Variants in LRRC27 observed in about 807,000 individuals in gnomAD.
LRRC27 encodes the protein leucine rich repeat containing 27.
Under a neutral mutation model 55.0 loss-of-function variants are expected in LRRC27, and 57 were observed. The ratio of observed to expected loss-of-function variants is 1.04; its 90% CI spans 0.84 to 1.29. The LOEUF (loss-of-function observed/expected upper bound fraction) is 1.29, where lower values mean the gene tolerates loss of function less well. Among genes scored for constraint, LRRC27 ranks in the 50% most tolerant of loss-of-function variants. The probability of loss-of-function intolerance (pLI) is 0.00; values close to 1 mark genes in which losing one functional copy is unlikely to be tolerated. For missense variants in LRRC27, 721 were observed against 651.5 expected (o/e 1.11, Z -1.16); for synonymous variants, 278 against 251.9 (o/e 1.10, Z -0.98).
At position 132,342,274 on chromosome 10, in the gene LRRC27, A is replaced by T; in HGVS notation, c.400+3A>T. Reference sequence around the variant, plus strand: ...CAAAATGTTACCTGTGGAGCTGGGTAAGTATAAAATAATAAAAAGATGATT... The same window carrying T: ...CAAAATGTTACCTGTGGAGCTGGGTTAGTATAAAATAATAAAAAGATGATT... On this transcript the variant is annotated splice_donor_region_variant and intron_variant, in intron 4 of 10. Coordinates refer to ENST00000368614, the MANE Select transcript of LRRC27 (RefSeq NM_030626.3). The T allele has an allele frequency of 2.0e-6, 3 of 1,511,488 alleles. No individual in the cohort carries two copies. The highest frequency in any genetic ancestry group is 2.7e-6 in the Non-Finnish European group (3 of 1,118,924). The allele number at this position is 1,511,488 out of a possible 1,614,324, so 93.6% of individuals were successfully genotyped here. A position where few individuals can be genotyped will look rare whatever the true frequency, so the allele number is the denominator to read the frequency against.
intron 8 of LRRC27, among the ~76,000 whole-genome samples, chr10:132,358,934 T>C (rs1385639917): frequency 1.4e-4 from 1 of 7,044 alleles, no homozygotes; most frequent in South Asian, 6.7e-3. Context: ...GGTAGAGCAG[T>C]GTGGGGAGGA....
intron 8 of LRRC27, among the ~76,000 whole-genome samples, chr10:132,359,466 C>T (rs1006864336): frequency 1.2e-4 from 18 of 152,196 alleles, no homozygotes; most frequent in African/African-American, 3.6e-4. Context: ...CAGGAGGACA[C>T]GAGAGGGCGC....
Position 132,337,666 on chromosome 10 carries a change from A to G in LRRC27, c.312A>G (p.Lys104=). The change falls in exon 3 of 11, where the codon AAA becomes AAG. Residue 104 remains lysine (K), a synonymous_variant. Coordinates refer to ENST00000368614, the MANE Select transcript of LRRC27 (RefSeq NM_030626.3). ...TGGACCTCCGGTACAATAGAATTAA[A>G]GCGCTTCCTTCTGGGATTGGAGCTC... The part of the protein sequence containing the change: ...TWLDLRYNRI[K]ALPSGIGAHQ... 6.2e-7 allele frequency: 1 copy of G among 1,614,156 alleles called. No individual in the cohort carries two copies. The highest frequency in any genetic ancestry group is 8.5e-7 in the Non-Finnish European group (1 of 1,180,010).
intron 1 of LRRC27, among the ~76,000 whole-genome samples, chr10:132,333,008 T>A (rs1171071923): frequency 1.3e-5 from 2 of 152,230 alleles, no homozygotes; most frequent in African/African-American, 2.4e-5. Flanking sequence ...TAAGCCAGAC[T>A]TAGTTCTGGT....
chr10:132,357,013 G>A (rs755500474), intron 8 of LRRC27, among the ~76,000 whole-genome samples: 4 of 152,270 alleles, frequency 2.6e-5, no homozygotes, highest in Non-Finnish European at 5.9e-5. Flanking sequence ...TGGGCCTGCA[G>A]GCGTGGACTG....
chr10:132,373,382 T>C (rs797007981), intron 10 of LRRC27, among the ~76,000 whole-genome samples: 61 of 152,084 alleles, frequency 4.0e-4, no homozygotes, highest in African/African-American at 1.4e-3. Context: ...TGCTTCCTGC[T>C]AGAAGGGCCC....
chr10:132,351,786 C>T lies in LRRC27; in HGVS notation c.1073+33C>T, dbSNP rs377540282. The T allele has an allele frequency of 8.1e-5, 128 of 1,578,856 alleles. No individual in the cohort carries two copies. The African/African-American group carries it at 1.3e-3, about 16-fold the overall frequency. ...CACACAGGGTGGGGGTCCGCACAGCCCGCCCAGTGCACCCGGAACTGGGAC... is the reference window on the plus strand; with the variant it reads ...CACACAGGGTGGGGGTCCGCACAGCTCGCCCAGTGCACCCGGAACTGGGAC... On this transcript the variant is annotated intron_variant, in intron 7 of 10. Transcript: ENST00000368614.
chr10:132,360,043 C>G (rs1218344763), intron 8 of LRRC27, among the ~76,000 whole-genome samples: 1 of 152,142 alleles, frequency 6.6e-6, no homozygotes, highest in East Asian at 1.9e-4. Flanking sequence ...CAAATACATA[C>G]TTTTAATGTC....
At position 132,372,395 on chromosome 10, in the gene LRRC27, C is replaced by T. The variant is rs1486035798; in HGVS notation, c.1417-2671C>T. On this transcript the variant is annotated intron_variant, in intron 10 of 10. Transcript: ENST00000368614. This position sits in a 1 kb window ranked among gnomAD's most constrained non-coding sequence, Gnocchi z 4.0. ...CAACCTGGCCAACCTGGTGAAACCC[C>T]GTCTCTACTAAAAATACAAAAAATT... 1.3e-5 allele frequency among the ~76,000 whole-genome samples: 2 copies of T among 152,200 alleles called. No individual in the cohort carries two copies. The highest frequency in any genetic ancestry group is 6.5e-5 in the Admixed American group (1 of 15,286).
upstream of LRRC27, chr10:132,330,290 A>T: frequency 1.6e-6 from 1 of 609,266 alleles, no homozygotes; most frequent in South Asian, 1.9e-5. Context: ...ATACGCTCAA[A>T]TGGTTAGTAA....
Position 132,351,704 on chromosome 10 carries a change from G to A in LRRC27, c.1024G>A (p.Ala342Thr). 1 of 1,613,818 alleles carries A rather than the reference G, an allele frequency of 6.2e-7. No individual in the cohort carries two copies. The highest frequency in any genetic ancestry group is 8.5e-7 in the Non-Finnish European group (1 of 1,179,994). Residue 342 changes from alanine (A) to threonine (T), a missense_variant, in exon 7 of 11, where the codon GCG (alanine) becomes ACG (threonine). By Grantham distance (58) the Ala-to-Thr change is moderately conservative. Coordinates refer to ENST00000368614, the MANE Select transcript of LRRC27 (RefSeq NM_030626.3). The stretch of plus-strand genomic sequence containing the variant: ...AAGACTGGAAGAGAGCCGAGCGGCG[G>A]CGCTCCGAGAGCTCCAGGAGAAGCA... ...AKRLEESRAA[A>T]LRELQEKQAL...
At chr10:132,373,798 C>G (rs1053995778) in intron 10 of LRRC27, among the ~76,000 whole-genome samples, 1 of 152,152 alleles carries the variant, frequency 6.6e-6, no homozygotes, top group Non-Finnish European at 1.5e-5. Flanking sequence ...GAGACCAGGT[C>G]AGTCTGAGGA....
At position 132,377,735 on chromosome 10, in the gene LRRC27, G is replaced by C. The variant is rs1370453617; in HGVS notation, c.*2493G>C. On this transcript the variant is annotated 3_prime_UTR_variant, in exon 11 of 11. Transcript: ENST00000368614. ...TTGTATCATGGTTATGCTTTGACTG[G>C]CCGTAAGTTCTCTCAGCTTTTGTTT... is the stretch of plus-strand genomic sequence containing the variant. 6.6e-6 allele frequency: 1 copy of C among 152,056 alleles called. No homozygotes were observed. Among genetic ancestry groups the C allele is most frequent in the African/African-American group, 2.4e-5 (1 of 41,402 alleles). 9.4% of individuals were successfully genotyped at this position (152,056 alleles called of 1,614,324 possible).
chr10:132,375,048 C>A lies in LRRC27; in HGVS notation c.1417-18C>A, dbSNP rs774963779. 1.5e-5 allele frequency: 24 copies of A among 1,597,820 alleles called. No homozygotes were observed. Among genetic ancestry groups the A allele is most frequent in the South Asian group, 5.5e-5 (5 of 90,130 alleles). On this transcript the variant is annotated intron_variant, in intron 10 of 10. Coordinates refer to ENST00000368614, the MANE Select transcript of LRRC27 (RefSeq NM_030626.3). Reference sequence around the variant, plus strand: ...CTGCCAGCCTTTCTAACATCTCCCCCTCCTTGTCTCCCATAAGGCCACAGA... The same window carrying A: ...CTGCCAGCCTTTCTAACATCTCCCCATCCTTGTCTCCCATAAGGCCACAGA...
chr10:132,364,448 C>T (rs1343545093), intron 9 of LRRC27, among the ~76,000 whole-genome samples: 1 of 130,034 alleles, frequency 7.7e-6, no homozygotes, highest in Non-Finnish European at 1.7e-5. Context: ...TACCTCCACA[C>T]CCACACTCAC....
intron 9 of LRRC27, among the ~76,000 whole-genome samples, chr10:132,364,564 C>CTACCT (rs2068905607): frequency 8.6e-6 from 1 of 116,170 alleles, no homozygotes; most frequent in Non-Finnish European, 1.8e-5. Context: ...CACACTTACA[C>CTACCT]CCACGTCCAC....
chr10:132,352,067 A>C (rs1363979730), intron 7 of LRRC27, among the ~76,000 whole-genome samples: 1 of 82,980 alleles, frequency 1.2e-5, no homozygotes, highest in African/African-American at 4.9e-5. Flanking sequence ...CGTGTGGGGC[A>C]GGCGCAGGTG....
chr10:132,343,595 G>T (rs1442316265), intron 4 of LRRC27, among the ~76,000 whole-genome samples: 1 of 152,212 alleles, frequency 6.6e-6, no homozygotes, highest in African/African-American at 2.4e-5. Flanking sequence ...GTAGCTTCTA[G>T]TTTAGTCTCT....
At chr10:132,366,523 C>T (rs1440864813) in intron 10 of LRRC27, 1 of 157,482 alleles carries the variant, frequency 6.3e-6, no homozygotes, top group Non-Finnish European at 1.4e-5. Flanking sequence ...GCTGCCCGAA[C>T]TGCTGCCTGG....
Sources: allele counts gnomAD v4.1 joint callset (sites outside exome capture counted in the v4.1 genomes callset), GRCh38; gene constraint gnomAD v4.1.1; non-coding constraint Gnocchi (gnomAD v3.1); transcripts MANE v1.5; gene names NCBI Gene and HGNC (gene_info 2026-07-23, HGNC 2026-07-21).